SMPX: variants seen among roughly 807,000 people sequenced by gnomAD.
The protein encoded by SMPX is small muscular protein.
In SMPX, 2 loss-of-function variants were observed where a neutral mutation model predicts 6.3. That is an observed-to-expected ratio of 0.32 (90% CI 0.13 to 0.99). The LOEUF (loss-of-function observed/expected upper bound fraction) is 0.99. Ranked by LOEUF, SMPX falls within the 50% of genes least tolerant of loss-of-function variation. SMPX has a pLI of 0.49. For synonymous variants in SMPX, 32 were observed against 24.7 expected, an observed-to-expected ratio of 1.30 and a Z score of -0.88; for missense variants, 60 against 66.8, an observed-to-expected ratio of 0.90 and a Z score of 0.36.
At chrX:21,718,465 C>T (rs756572317) in intron 4 of SMPX, among the ~76,000 whole-genome samples, 13 of 111,899 alleles carry the variant, frequency 1.2e-4, no homozygotes, top group African/African-American at 3.9e-4. Flanking sequence ...GGAAAATTCC[C>T]ACAGGTTACA....
At chrX:21,732,939 T>G (rs996342234) in intron 4 of SMPX, among the ~76,000 whole-genome samples, 39 of 111,589 alleles carry the variant, frequency 3.5e-4, no homozygotes, top group African/African-American at 1.2e-3. Context: ...TATGGCCATC[T>G]GCAAGCCAGG....
chrX:21,728,263 T>C (rs1308139871), intron 4 of SMPX, among the ~76,000 whole-genome samples: 1 of 84,560 alleles, frequency 1.2e-5, no homozygotes, highest in Non-Finnish European at 2.3e-5. Context: ...TCTCTCTCTC[T>C]CTCTCTCTCA....
chrX:21,729,918 T>C, intron 4 of SMPX, among the ~76,000 whole-genome samples: 1 of 112,077 alleles, frequency 8.9e-6, no homozygotes, highest in East Asian at 2.8e-4. Flanking sequence ...CCACACAGAC[T>C]GTAACCAGGG....
Position 21,731,679 on chromosome X carries a change from A to T in SMPX, c.*14+5870T>A, listed in dbSNP as rs747203256. On this transcript the variant is annotated intron_variant, in intron 4 of 4. Transcript: ENST00000379494. The stretch of plus-strand genomic sequence containing the variant: ...GTGTGTATGTGTATGTGTACACATT[A>T]ATGTGTACATGTACACATAAATGTG... 5.0e-5 allele frequency among the ~76,000 whole-genome samples: 4 copies of T among 80,717 alleles called. No homozygotes were observed. In the East Asian group the frequency reaches 1.7e-3, roughly 35 times the overall value. 70.1% of individuals were successfully genotyped at this position (80,717 alleles called of 115,157 possible). A position where few individuals can be genotyped will look rare whatever the true frequency, so the allele number is the denominator to read the frequency against.
intron 4 of SMPX, among the ~76,000 whole-genome samples, chrX:21,728,855 A>G (rs1267177334): frequency 8.9e-6 from 1 of 112,184 alleles, no homozygotes; most frequent in Non-Finnish European, 1.9e-5. Flanking sequence ...AGCACAAGGA[A>G]TGAATGAAAT....
At chrX:21,724,301 T>G (rs756406820) in intron 4 of SMPX, among the ~76,000 whole-genome samples, 7 of 112,021 alleles carry the variant, frequency 6.2e-5, no homozygotes, top group Non-Finnish European at 1.1e-4. Flanking sequence ...TTAAGACATT[T>G]CAACCCAATT....
At chrX:21,724,418 G>A (rs1347552168) in intron 4 of SMPX, among the ~76,000 whole-genome samples, 2 of 112,508 alleles carry the variant, frequency 1.8e-5, no homozygotes, top group Admixed American at 9.4e-5. Flanking sequence ...ATTACAGTAC[G>A]ACTTTTTAAA....
rs996310001 is a variant in SMPX at position 21,724,365 on chromosome X, G to T, written c.*14+13184C>A. 2.7e-5 allele frequency among the ~76,000 whole-genome samples: 3 copies of T among 112,509 alleles called. No homozygotes were observed. The Admixed American group carries it at 2.8e-4, about 11-fold the overall frequency. ...ACCATGTGTGTGCATGTATGTGCATGTGTGTGTGTATGTGTATGTGGTATG... is the reference window on the plus strand; with the variant it reads ...ACCATGTGTGTGCATGTATGTGCATTTGTGTGTGTATGTGTATGTGGTATG... On this transcript the variant is annotated intron_variant, in intron 4 of 4. Transcript: ENST00000379494.
At chrX:21,739,735 C>T (rs1041539337) in intron 3 of SMPX, among the ~76,000 whole-genome samples, 1 of 112,137 alleles carries the variant, frequency 8.9e-6, no homozygotes, top group African/African-American at 3.2e-5. Context: ...AATGTTTCCT[C>T]ACTTATAAAT....
In SMPX at chrX:21,721,674, G is replaced by A. The variant is rs773494737; in HGVS notation, c.*15-15280C>T. Among the ~76,000 whole-genome samples, 8 of 112,081 alleles carry A rather than the reference G, an allele frequency of 7.1e-5. No individual in the cohort carries two copies. In the East Asian group the frequency reaches 2.3e-3, roughly 32 times the overall value. On this transcript the variant is annotated intron_variant, in intron 4 of 4. Coordinates refer to ENST00000379494, the MANE Select transcript of SMPX (RefSeq NM_014332.3). ...AGCAAGTGGCACTCAGCAAGTCCAG[G>A]TGATTCTAATGTGCACATAATCTGC...
intron 4 of SMPX, among the ~76,000 whole-genome samples, chrX:21,719,210 G>C (rs1254080278): frequency 8.9e-6 from 1 of 111,854 alleles, no homozygotes; most frequent in East Asian, 2.8e-4. Context: ...TTGTTGTTCT[G>C]GGTTTGATCC....
In SMPX at chrX:21,731,524, ACACATACACATTATGTGTGTATGTG is replaced by A. The variant is rs1187601485; in HGVS notation, c.*14+6000_*14+6024del. On this transcript the variant is annotated intron_variant, in intron 4 of 4. Coordinates refer to ENST00000379494, the MANE Select transcript of SMPX (RefSeq NM_014332.3). The stretch of plus-strand genomic sequence containing the variant: ...ACATACACATTATGTGTGTATGTGT[ACACATACACATTATGTGTGTATGTG>A]TATATATACACATTATGTGTATATG... Among the ~76,000 whole-genome samples the A allele has an allele frequency of 1.2e-4, 11 of 88,143 alleles. 1 individual carries two copies. Among genetic ancestry groups the A allele is most frequent in the Non-Finnish European group, 2.3e-4 (10 of 43,500 alleles). The allele number at this position is 88,143 out of a possible 115,157, so 76.5% of individuals were successfully genotyped here.
chrX:21,745,494 G>T (rs2092820468), intron 2 of SMPX, among the ~76,000 whole-genome samples: 1 of 111,679 alleles, frequency 9.0e-6, no homozygotes, highest in Non-Finnish European at 1.9e-5. Flanking sequence ...CTTTATTTTG[G>T]CAGGATGTAA....
intron 4 of SMPX, among the ~76,000 whole-genome samples, chrX:21,707,586 T>G (rs1014427812): frequency 8.9e-6 from 1 of 112,554 alleles, no homozygotes; most frequent in Admixed American, 9.4e-5. Flanking sequence ...TCTACCACTG[T>G]GGGTGGGGTA....
chrX:21,715,444 CAG>C (rs1235688475), intron 4 of SMPX, among the ~76,000 whole-genome samples: 7 of 111,588 alleles, frequency 6.3e-5, no homozygotes, highest in Non-Finnish European at 1.9e-5. Context: ...CCAATTACAT[CAG>C]AGTCTCTGGA....
intron 2 of SMPX, among the ~76,000 whole-genome samples, chrX:21,753,303 C>T (rs973239018): frequency 1.8e-5 from 2 of 111,845 alleles, no homozygotes; most frequent in Non-Finnish European, 3.8e-5. Context: ...CCTCCACCTA[C>T]CTCCACCAGC....
intron 4 of SMPX, among the ~76,000 whole-genome samples, chrX:21,710,558 A>AC (rs1460741710): frequency 8.9e-6 from 1 of 112,018 alleles, no homozygotes; most frequent in Non-Finnish European, 1.9e-5. Flanking sequence ...TGAAAATAAA[A>AC]TTTTTTTTAA....
intron 3 of SMPX, among the ~76,000 whole-genome samples, chrX:21,741,971 A>C (rs2092816500): frequency 8.9e-6 from 1 of 112,223 alleles, no homozygotes; most frequent in Non-Finnish European, 1.9e-5. Context: ...GATTAGATAC[A>C]AGGCAAGAGA....
intron 4 of SMPX, among the ~76,000 whole-genome samples, chrX:21,729,817 A>G (rs2092801361): frequency 8.9e-6 from 1 of 112,064 alleles, no homozygotes. Flanking sequence ...CTACACAGGT[A>G]GCTTCTGTGT....
Sources: allele counts gnomAD v4.1 joint callset (sites outside exome capture counted in the v4.1 genomes callset), GRCh38; gene constraint gnomAD v4.1.1; transcripts MANE v1.5; gene names NCBI Gene and HGNC (gene_info 2026-07-23, HGNC 2026-07-21).